The following NME7 variants were observed in gnomAD, a reference collection of about 807,000 sequenced individuals.
NME7 encodes the protein NME/NM23 family member 7, also known as nucleoside diphosphate kinase 7.
NME7 carries 41 observed loss-of-function variants against 49.1 expected under a neutral mutation model. That is an observed-to-expected ratio of 0.83 (90% confidence interval 0.65 to 1.08). The LOEUF is 1.08. NME7 is among the 50% of genes least tolerant of loss of function. NME7 has a pLI of 0.00. For missense variants in NME7, 423 were observed against 463.4 expected (o/e 0.91, Z 0.80); for synonymous variants, 139 against 150.6 (o/e 0.92, Z 0.56).
In NME7 at chr1:169,250,232, T is replaced by A. The variant is rs557381269; in HGVS notation, c.755-12545A>T. 4.6e-5 allele frequency among the ~76,000 whole-genome samples: 7 copies of A among 152,214 alleles called. No individual in the cohort carries two copies. The East Asian group carries it at 1.3e-3, about 29-fold the overall frequency. On this transcript the variant is annotated intron_variant, in intron 7 of 11. Transcript: ENST00000367811. ...TTTATGTTTCCTGGAATTTATCCAT[T>A]TCCTCTAGATTTTTTAGTTTGTGTG... is the stretch of plus-strand genomic sequence containing the variant.
intron 11 of NME7, among the ~76,000 whole-genome samples, chr1:169,160,243 C>A (rs1180034992): frequency 6.6e-6 from 1 of 152,172 alleles, no homozygotes; most frequent in African/African-American, 2.4e-5. Flanking sequence ...TTTATAACTT[C>A]AACTATAGTT....
chr1:169,330,907 A>G (rs1652229071), intron 1 of NME7, among the ~76,000 whole-genome samples: 3 of 152,138 alleles, frequency 2.0e-5, no homozygotes, highest in African/African-American at 7.2e-5. Flanking sequence ...CCCAGTAAAG[A>G]AAAGTCCAAA....
At chr1:169,162,789 T>C (rs1213446022) in intron 11 of NME7, among the ~76,000 whole-genome samples, 1 of 152,108 alleles carries the variant, frequency 6.6e-6, no homozygotes, top group Non-Finnish European at 1.5e-5. Context: ...CAGTGAGCCA[T>C]GATCACGACA....
intron 11 of NME7, among the ~76,000 whole-genome samples, chr1:169,155,746 G>A (rs1659048179): frequency 6.8e-6 from 1 of 146,084 alleles, no homozygotes; most frequent in Non-Finnish European, 1.5e-5. Flanking sequence ...CCTGAAGTGG[G>A]TTTTATTACT....
intron 10 of NME7, among the ~76,000 whole-genome samples, chr1:169,213,851 A>C (rs1174809318): frequency 4.0e-5 from 6 of 151,396 alleles, no homozygotes; most frequent in African/African-American, 1.5e-4. Flanking sequence ...ATATACACAC[A>C]AACATACACA....
chr1:169,342,508 TATATATATAGTATATATATACAAGTAC>T (rs1182608094), intron 1 of NME7, among the ~76,000 whole-genome samples: 2 of 103,748 alleles, frequency 1.9e-5, no homozygotes, highest in African/African-American at 6.0e-5. Context: ...TACAAGTACA[TATATATATAGTATATATATACAAGTAC>T]ATATATATAG....
In NME7 at chr1:169,330,560, T is replaced by A. The variant is rs146422248; in HGVS notation, c.4-6060A>T. ...CAGGCATGGTGGCAGGCGCCTGTAG[T>A]CCCAGCTATTTGAGAGTCTGAGGCA... On this transcript the variant is annotated intron_variant, in intron 1 of 11. Coordinates refer to ENST00000367811, the MANE Select transcript of NME7 (RefSeq NM_013330.5). 7.8e-3 allele frequency among the ~76,000 whole-genome samples: 1,182 copies of A among 152,190 alleles called. 16 individuals are homozygous for A. Among genetic ancestry groups the A allele is most frequent in the Non-Finnish European group, 8.8e-3 (600 of 67,998 alleles).
chr1:169,208,797 A>G (rs1480329530), intron 10 of NME7, among the ~76,000 whole-genome samples: 1 of 152,132 alleles, frequency 6.6e-6, no homozygotes, highest in Non-Finnish European at 1.5e-5. Flanking sequence ...AATCCCAAAA[A>G]GTCTCTAAAT....
chr1:169,228,200 T>G (rs2101815637), intron 10 of NME7, among the ~76,000 whole-genome samples: 1 of 152,186 alleles, frequency 6.6e-6, no homozygotes, highest in East Asian at 1.9e-4. Flanking sequence ...TGTGCTACCA[T>G]GCCCAGCCTG....
intron 11 of NME7, among the ~76,000 whole-genome samples, chr1:169,153,040 G>A (rs539915314): frequency 7.3e-4 from 111 of 151,898 alleles, no homozygotes; most frequent in African/African-American, 2.6e-3. Flanking sequence ...TTTTGTCATC[G>A]TTGACCTAGT....
intron 1 of NME7, among the ~76,000 whole-genome samples, chr1:169,365,529 A>G (rs930209380): frequency 2.0e-5 from 3 of 152,248 alleles, no homozygotes; most frequent in Non-Finnish European, 2.9e-5. Flanking sequence ...GGTATGTTCA[A>G]TGAAAAGCAA....
intron 10 of NME7, among the ~76,000 whole-genome samples, chr1:169,177,220 C>T (rs1250090331): frequency 6.6e-6 from 1 of 152,146 alleles, no homozygotes; most frequent in African/African-American, 2.4e-5. Context: ...CTTGGCACTT[C>T]TAACATCCAA....
chr1:169,277,088 G>C (rs1046795256), intron 7 of NME7, among the ~76,000 whole-genome samples: 44 of 150,720 alleles, frequency 2.9e-4, no homozygotes, highest in Non-Finnish European at 5.8e-4. Flanking sequence ...TACACTTGCT[G>C]AGGAGAGCTT....
At chr1:169,242,675 C>T (rs551787528) in intron 7 of NME7, among the ~76,000 whole-genome samples, 1 of 138,578 alleles carries the variant, frequency 7.2e-6, no homozygotes, top group African/African-American at 2.5e-5. Context: ...ATAGAAAATC[C>T]CAAATAGCCT....
chr1:169,270,642 T>G (rs1049720065), intron 7 of NME7, among the ~76,000 whole-genome samples: 1 of 133,914 alleles, frequency 7.5e-6, no homozygotes, highest in East Asian at 2.0e-4. Context: ...GCAGTAGTAG[T>G]AGTAATAGAG....
chr1:169,367,234 C>T (rs1278362252), intron 1 of NME7, among the ~76,000 whole-genome samples: 2 of 152,090 alleles, frequency 1.3e-5, no homozygotes, highest in African/African-American at 4.8e-5. Flanking sequence ...AGCGCTGATC[C>T]AACATACACC....
intron 1 of NME7, among the ~76,000 whole-genome samples, chr1:169,327,532 G>C (rs1652103243): frequency 6.6e-6 from 1 of 152,030 alleles, no homozygotes; most frequent in Non-Finnish European, 1.5e-5. Context: ...AGAAGCCTTA[G>C]TATCTTAAAG....
rs546991890 is a variant in NME7 at position 169,276,296 on chromosome 1, G to A, written c.754+11007C>T. Among the ~76,000 whole-genome samples, 15 of 133,462 alleles carry A rather than the reference G, an allele frequency of 1.1e-4. 3 individuals are homozygous for A. The highest frequency in any genetic ancestry group is 2.3e-4 in the South Asian group (1 of 4,314). 87.6% of individuals were successfully genotyped at this position (133,462 alleles called of 152,430 possible). A position where few individuals can be genotyped will look rare whatever the true frequency, so the allele number is the denominator to read the frequency against. ...CCTCCTTGTACCTCTGGTACAATTCGGCTGTGAATCCATCTGGTCCTGGAC... is the reference window on the plus strand; with the variant it reads ...CCTCCTTGTACCTCTGGTACAATTCAGCTGTGAATCCATCTGGTCCTGGAC... On this transcript the variant is annotated intron_variant, in intron 7 of 11. Transcript: ENST00000367811.
At chr1:169,309,837 T>C (rs1275014988) in intron 4 of NME7, 133 bp downstream of exon 4, 1 of 570,786 alleles carries the variant, frequency 1.8e-6, no homozygotes, top group East Asian at 3.2e-5. Context: ...GTTCCCATTT[T>C]GGTTAAGTTA....
Sources: allele counts gnomAD v4.1 joint callset (sites outside exome capture counted in the v4.1 genomes callset), GRCh38; gene constraint gnomAD v4.1.1; transcripts MANE v1.5; gene names NCBI Gene and HGNC (gene_info 2026-07-23, HGNC 2026-07-21).